The following AKAP6 variants were observed in gnomAD, a reference collection of about 807,000 sequenced individuals.
AKAP6 encodes A-kinase anchor protein 6.
Under a neutral mutation model 188.5 loss-of-function variants are expected in AKAP6, and 58 were observed. The observed-to-expected ratio is 0.31, with a 90% CI of 0.25 to 0.38. The LOEUF (loss-of-function observed/expected upper bound fraction) is 0.38. AKAP6 is among the 10% of genes least tolerant of loss of function. AKAP6 has a pLI of 1.00. For synonymous variants in AKAP6, 989 were observed against 998.6 expected, an observed-to-expected ratio of 0.99 and a Z score of 0.18; for missense variants, 2,710 against 2,740.0, an observed-to-expected ratio of 0.99 and a Z score of 0.24.
chr14:32,360,126 CTTTTTTCT>C (rs140518727), intron 1 of AKAP6, among the ~76,000 whole-genome samples: 14,307 of 138,802 alleles, frequency 0.1, 802 homozygotes, highest in African/African-American at 0.17. Flanking sequence ...TCCTCTTTTT[CTTTTTTCT>C]TTTTTTTTTT....
intron 1 of AKAP6, among the ~76,000 whole-genome samples, chr14:32,416,551 A>G (rs1398337389): frequency 1.3e-5 from 2 of 151,810 alleles, no homozygotes; most frequent in African/African-American, 2.4e-5. Context: ...CAATTTGTCT[A>G]TTTATTCTTT....
intron 9 of AKAP6, among the ~76,000 whole-genome samples, chr14:32,704,853 T>G (rs1411598333): frequency 6.6e-6 from 1 of 152,232 alleles, no homozygotes; most frequent in East Asian, 1.9e-4. Context: ...GTACATATGC[T>G]ATTTGGTCTA....
chr14:32,605,384 A>C (rs191387602), intron 7 of AKAP6, among the ~76,000 whole-genome samples: 18 of 152,186 alleles, frequency 1.2e-4, no homozygotes, highest in Non-Finnish European at 1.3e-4. Flanking sequence ...AGGTGTAAAA[A>C]CTGTGGTGTG....
intron 4 of AKAP6, among the ~76,000 whole-genome samples, chr14:32,548,780 G>C (rs912579157): frequency 3.3e-5 from 5 of 152,186 alleles, no homozygotes; most frequent in Admixed American, 2.0e-4. Flanking sequence ...CCTGAAAGGG[G>C]TTGTAGTTTC....
chr14:32,372,284 AT>A (rs143018674), intron 1 of AKAP6, among the ~76,000 whole-genome samples: 214 of 149,050 alleles, frequency 1.4e-3, no homozygotes, highest in African/African-American at 4.1e-3. Flanking sequence ...CTTGTGATGC[AT>A]TTTTTTTTTG....
At chr14:32,678,561 A>T in intron 8 of AKAP6, 102 bp downstream of exon 8, 1 of 1,360,668 alleles carries the variant, frequency 7.3e-7, no homozygotes, top group Admixed American at 1.8e-5. Context: ...TAGCAAACCG[A>T]CAAGGAGAAG....
Position 32,696,259 on chromosome 14 carries a change from A to C in AKAP6, c.3000+149A>C, listed in dbSNP as rs970267322. 25 of 1,067,414 alleles carry C rather than the reference A, an allele frequency of 2.3e-5. No homozygotes were observed. The African/African-American group carries it at 3.7e-4, about 16-fold the overall frequency. The allele number at this position is 1,067,414 out of a possible 1,614,324, so 66.1% of individuals were successfully genotyped here. A position where few individuals can be genotyped will look rare whatever the true frequency, so the allele number is the denominator to read the frequency against. ...CTTCCCTGTCCCCAAACTCATTTCC[A>C]TCCCTTGTGTGCTGACAGGCTGCAC... On this transcript the variant is annotated intron_variant, in intron 9 of 13. Coordinates refer to ENST00000280979, the MANE Select transcript of AKAP6 (RefSeq NM_004274.5).
chr14:32,785,500 T>G (rs1248461715), intron 12 of AKAP6, among the ~76,000 whole-genome samples: 1 of 152,166 alleles, frequency 6.6e-6, no homozygotes, highest in Non-Finnish European at 1.5e-5. Flanking sequence ...CCAAAAGTAA[T>G]AGAATGAGTT....
rs1429475236 is a variant in AKAP6, at chr14:32,822,719, C to T, written c.4906C>T (p.Leu1636=). 1 of 1,613,920 alleles carries T rather than the reference C, an allele frequency of 6.2e-7. No homozygotes were observed. Among genetic ancestry groups the T allele is most frequent in the Admixed American group, 1.7e-5 (1 of 59,932 alleles). Residue 1636 remains leucine, a synonymous_variant, in exon 13 of 14, where the codon CTG becomes TTG. Transcript: ENST00000280979. ...ACTAAGTAAAAGAACATTAGATCTC[C>T]TGAATCGTTTGGAGAATATCCAGAG... The part of the protein sequence containing the change: ...GELSKRTLDL[L]NRLENIQSPS...
intron 1 of AKAP6, among the ~76,000 whole-genome samples, chr14:32,431,525 G>GAGACGTAGTTT (rs1318346252): frequency 1.3e-5 from 2 of 151,406 alleles, no homozygotes; most frequent in African/African-American, 4.9e-5. Flanking sequence ...TTTATTTTTT[G>GAGACGTAGTTT]AGACGTAGTT....
chr14:32,569,590 T>C (rs931201373), intron 4 of AKAP6, among the ~76,000 whole-genome samples: 2 of 152,170 alleles, frequency 1.3e-5, no homozygotes, highest in Admixed American at 1.3e-4. Context: ...TGCATTTGAG[T>C]GTTGTTATGC....
chr14:32,472,249 G>A (rs1299892163), intron 2 of AKAP6, among the ~76,000 whole-genome samples: 1 of 152,074 alleles, frequency 6.6e-6, no homozygotes, highest in Admixed American at 6.6e-5. Flanking sequence ...TAGCAGACAT[G>A]GGATGTGGAA....
At chr14:32,497,850 T>C (rs1880404129) in intron 2 of AKAP6, among the ~76,000 whole-genome samples, 1 of 152,116 alleles carries the variant, frequency 6.6e-6, no homozygotes, top group African/African-American at 2.4e-5. Flanking sequence ...AGGATTGTTG[T>C]GCTCCTTGAT....
chr14:32,431,154 G>A (rs1486629057), intron 1 of AKAP6, among the ~76,000 whole-genome samples: 1 of 152,098 alleles, frequency 6.6e-6, no homozygotes, highest in African/African-American at 2.4e-5. Context: ...CTGGGGTATG[G>A]TTTATGAAGA....
At chr14:32,806,259 A>G (rs564699126) in intron 12 of AKAP6, among the ~76,000 whole-genome samples, 1 of 151,988 alleles carries the variant, frequency 6.6e-6, no homozygotes, top group Non-Finnish European at 1.5e-5. Context: ...ATTCCAAACT[A>G]TGTCTGGGAT....
intron 12 of AKAP6, among the ~76,000 whole-genome samples, chr14:32,811,332 T>A (rs552486883): frequency 3.3e-5 from 5 of 152,214 alleles, no homozygotes; most frequent in African/African-American, 1.2e-4. Context: ...ACCAACATTT[T>A]ATTTTTTTTC....
Position 32,489,042 on chromosome 14 carries a change from A to G in AKAP6, c.325-46512A>G, listed in dbSNP as rs917770640. On this transcript the variant is annotated intron_variant, in intron 2 of 13. Coordinates refer to ENST00000280979, the MANE Select transcript of AKAP6 (RefSeq NM_004274.5). ...TTTGTAATCAGCTTGTCTAGTATCA[A>G]ATAAAATATTTTTGGTGTTTTCATT... Among the ~76,000 whole-genome samples the G allele has an allele frequency of 3.9e-5, 6 of 152,236 alleles. No homozygotes were observed. In the East Asian group the frequency reaches 9.6e-4, roughly 24 times the overall value.
At chr14:32,610,384 C>T (rs1462028509) in intron 7 of AKAP6, among the ~76,000 whole-genome samples, 1 of 152,160 alleles carries the variant, frequency 6.6e-6, no homozygotes, top group African/African-American at 2.4e-5. Flanking sequence ...TGCTCTTGCT[C>T]ATGGCTTTTC....
At chr14:32,635,482 C>A (rs183010472) in intron 7 of AKAP6, among the ~76,000 whole-genome samples, 1 of 151,992 alleles carries the variant, frequency 6.6e-6, no homozygotes, top group African/African-American at 2.4e-5. Context: ...ATTATGAAAT[C>A]GAAAGTAATT....
Sources: gnomAD v4.1 joint callset for allele counts (sites outside exome capture counted in the v4.1 genomes callset) on GRCh38, gnomAD v4.1.1 for gene constraint, MANE v1.5 for transcripts, NCBI Gene and HGNC (gene_info 2026-07-23, HGNC 2026-07-21) for gene names.